Variants in DPY19L1 observed in about 807,000 individuals in gnomAD.
The protein encoded by DPY19L1 is dpy-19 like C-mannosyltransferase 1.
Under a neutral mutation model 96.9 loss-of-function variants are expected in DPY19L1, and 35 were observed. That is an observed-to-expected ratio of 0.36 (90% CI 0.28 to 0.48). DPY19L1 has a LOEUF of 0.48. Among genes scored for constraint, DPY19L1 ranks in the 20% least tolerant of loss-of-function variants. DPY19L1 has a pLI of 0.99. For synonymous variants in DPY19L1, 205 were observed against 252.6 expected (o/e 0.81, Z 1.79); for missense variants, 521 against 777.9 (o/e 0.67, Z 3.93).
At chr7:34,966,441 G>A (rs79856619) in intron 10 of DPY19L1, among the ~76,000 whole-genome samples, 29,772 of 151,832 alleles carry the variant, frequency 0.2, 3,262 homozygotes, top group Admixed American at 0.36. Context: ...AGTACTACAG[G>A]CATGCATCAC....
chr7:34,967,120 T>C (rs1320371696), intron 9 of DPY19L1, 149 bp from the exon 10 acceptor site: 2 of 507,502 alleles, frequency 3.9e-6, no homozygotes, highest in Non-Finnish European at 6.5e-6. Flanking sequence ...TATTATTAAA[T>C]ATAGTCAATA....
At chr7:34,994,665 G>A (rs529276856) in intron 6 of DPY19L1, among the ~76,000 whole-genome samples, 11 of 151,982 alleles carry the variant, frequency 7.2e-5, no homozygotes, top group Admixed American at 2.0e-4. Context: ...TTAGCCGGGC[G>A]TGGTGGTGGG....
Position 34,962,289 on chromosome 7 carries a change from A to G in DPY19L1, c.1093-4219T>C, listed in dbSNP as rs1214446312. 2.0e-5 allele frequency among the ~76,000 whole-genome samples: 3 copies of G among 152,268 alleles called. No individual in the cohort carries two copies. The East Asian group carries it at 5.8e-4, about 29-fold the overall frequency. On this transcript the variant is annotated intron_variant, in intron 10 of 21. Coordinates refer to ENST00000638088, the MANE Select transcript of DPY19L1 (RefSeq NM_001366673.1). ...CAAGATCTAAATGAGCTATCAAGCCATGAAAAGACTTGGAGGAAACTTATT... is the reference window on the plus strand; with the variant it reads ...CAAGATCTAAATGAGCTATCAAGCCGTGAAAAGACTTGGAGGAAACTTATT...
At chr7:35,004,575 T>C (rs1428046015) in intron 6 of DPY19L1, among the ~76,000 whole-genome samples, 1 of 152,230 alleles carries the variant, frequency 6.6e-6, no homozygotes, top group Non-Finnish European at 1.5e-5. Flanking sequence ...GGTACATAAG[T>C]ATTCATTTTA....
chr7:35,034,888 T>A (rs576281443), intron 1 of DPY19L1, among the ~76,000 whole-genome samples: 1 of 152,202 alleles, frequency 6.6e-6, no homozygotes, highest in Admixed American at 6.5e-5. Flanking sequence ...AAGTCCCACA[T>A]TGAAATACTG....
intron 3 of DPY19L1, among the ~76,000 whole-genome samples, chr7:35,017,370 C>T (rs1419436228): frequency 6.6e-6 from 1 of 151,610 alleles, no homozygotes; most frequent in African/African-American, 2.4e-5. Flanking sequence ...TGGCGGGCGC[C>T]TGTAGTCCCA....
intron 6 of DPY19L1, among the ~76,000 whole-genome samples, chr7:35,008,360 G>T (rs1785615270): frequency 6.6e-6 from 1 of 152,166 alleles, no homozygotes; most frequent in Non-Finnish European, 1.5e-5. Context: ...TGTCTACCAG[G>T]CACCACAGGG....
At chr7:34,954,386 G>A (rs1562804700) in intron 13 of DPY19L1, among the ~76,000 whole-genome samples, 1 of 152,000 alleles carries the variant, frequency 6.6e-6, no homozygotes, top group African/African-American at 2.4e-5. Flanking sequence ...GTCTTTACCA[G>A]TTACAAAGAA....
chr7:34,971,738 C>A (rs1271534049), intron 8 of DPY19L1, among the ~76,000 whole-genome samples: 1 of 152,150 alleles, frequency 6.6e-6, no homozygotes, highest in Non-Finnish European at 1.5e-5. Flanking sequence ...CACAGAAGCA[C>A]CTGGAGCCAA....
At chr7:35,018,067 G>T in intron 2 of DPY19L1, 98 bp from the exon 3 acceptor site, 1 of 814,428 alleles carries the variant, frequency 1.2e-6, no homozygotes, top group Non-Finnish European at 1.8e-6. Context: ...CAGTTAACTT[G>T]CAGATAATTT....
chr7:35,019,777 T>C (rs1419104347), intron 1 of DPY19L1, among the ~76,000 whole-genome samples: 5 of 152,366 alleles, frequency 3.3e-5, no homozygotes, highest in Middle Eastern at 3.4e-3. Context: ...AGTTTGTCAT[T>C]TGACTTTTTT....
intron 6 of DPY19L1, among the ~76,000 whole-genome samples, chr7:34,995,370 C>T (rs1440698780): frequency 6.6e-6 from 1 of 151,854 alleles, no homozygotes; most frequent in South Asian, 2.1e-4. Flanking sequence ...AAATATGAAA[C>T]CTCCTACTGT....
chr7:34,980,461 A>G (rs537258285), intron 7 of DPY19L1, among the ~76,000 whole-genome samples: 1 of 152,244 alleles, frequency 6.6e-6, no homozygotes, highest in Admixed American at 6.5e-5. Context: ...AAAACCTCAA[A>G]AAGATCTGTG....
intron 7 of DPY19L1, among the ~76,000 whole-genome samples, chr7:34,982,148 T>C (rs1784952598): frequency 6.6e-6 from 1 of 152,198 alleles, no homozygotes; most frequent in Admixed American, 6.5e-5. Context: ...GTACGATCCT[T>C]AATCAGATTC....
chr7:34,953,664 G>A (rs61695968), intron 13 of DPY19L1, among the ~76,000 whole-genome samples: 1,858 of 152,046 alleles, frequency 0.012, 28 homozygotes, highest in African/African-American at 0.041. Flanking sequence ...ACTCAGTTTG[G>A]TATCTCTAGC....
At chr7:34,981,002 T>C (rs1784927453) in intron 7 of DPY19L1, among the ~76,000 whole-genome samples, 1 of 152,136 alleles carries the variant, frequency 6.6e-6, no homozygotes, top group Non-Finnish European at 1.5e-5. Context: ...TAGAAGAGTT[T>C]TGAAGGATGG....
intron 13 of DPY19L1, among the ~76,000 whole-genome samples, chr7:34,952,631 TA>T (rs764357229): frequency 6.6e-6 from 1 of 151,976 alleles, no homozygotes; most frequent in Non-Finnish European, 1.5e-5. Context: ...AAAAACACCT[TA>T]AAAATATTAG....
upstream of DPY19L1, chr7:35,037,932 G>T: frequency 8.2e-7 from 1 of 1,226,918 alleles, no homozygotes. Context: ...GAGCCCTCTC[G>T]GGATCGGGGC....
At chr7:34,991,783 T>A (rs1277795913) in intron 6 of DPY19L1, among the ~76,000 whole-genome samples, 1 of 152,236 alleles carries the variant, frequency 6.6e-6, no homozygotes, top group Non-Finnish European at 1.5e-5. Flanking sequence ...ATATTTTCTA[T>A]GTGATCAATA....
Sources: allele counts gnomAD v4.1 joint callset (sites outside exome capture counted in the v4.1 genomes callset), GRCh38; gene constraint gnomAD v4.1.1; transcripts MANE v1.5; gene names NCBI Gene and HGNC (gene_info 2026-07-23, HGNC 2026-07-21).